NRG1: variants seen among roughly 807,000 people sequenced by gnomAD.
NRG1 encodes the protein neuregulin 1, also known as pro-neuregulin-1, membrane-bound isoform.
A neutral mutation model predicts 63.8 loss-of-function variants in NRG1; 18 were observed. That is an observed-to-expected ratio of 0.28 (90% CI 0.19 to 0.42). The LOEUF is 0.42. NRG1 is among the 10% of genes least tolerant of loss of function. The pLI, the probability that NRG1 is intolerant of heterozygous loss-of-function variation, is 1.00. For synonymous variants in NRG1, 302 were observed against 301.3 expected, an observed-to-expected ratio of 1.00 and a Z score of -0.02; for missense variants, 762 against 814.7, an observed-to-expected ratio of 0.94 and a Z score of 0.79.
chr8:31,821,376 C>T (rs917075355), intron 1 of NRG1, among the ~76,000 whole-genome samples: 2 of 152,030 alleles, frequency 1.3e-5, no homozygotes, highest in African/African-American at 4.8e-5. Context: ...AATTCTTTAC[C>T]TCTGATGTCT....
At chr8:31,897,000 C>T (rs1831628709) in intron 1 of NRG1, among the ~76,000 whole-genome samples, 1 of 152,090 alleles carries the variant, frequency 6.6e-6, no homozygotes, top group African/African-American at 2.4e-5. Flanking sequence ...ACCTGGAAAC[C>T]TTTGTTCATT....
At chr8:32,693,098 C>T (rs1812247852) in intron 5 of NRG1, among the ~76,000 whole-genome samples, 1 of 152,128 alleles carries the variant, frequency 6.6e-6, no homozygotes, top group African/African-American at 2.4e-5. Context: ...GTGAGGGTTG[C>T]TGTTTGCACA....
At chr8:32,730,359 G>T (rs563372892) in intron 6 of NRG1, among the ~76,000 whole-genome samples, 1 of 152,060 alleles carries the variant, frequency 6.6e-6, no homozygotes, top group South Asian at 2.1e-4. Flanking sequence ...AGGCTAAGGT[G>T]GGGGGATCAC....
At chr8:31,754,331 C>A (rs1816759106) in intron 1 of NRG1, among the ~76,000 whole-genome samples, 1 of 152,200 alleles carries the variant, frequency 6.6e-6, no homozygotes, top group South Asian at 2.1e-4. Flanking sequence ...TTGGTACTGT[C>A]CTCATGATAG....
At chr8:32,360,576 G>A (rs1329305788) in intron 1 of NRG1, among the ~76,000 whole-genome samples, 8 of 152,008 alleles carry the variant, frequency 5.3e-5, no homozygotes, top group Non-Finnish European at 5.9e-5. Context: ...TTATAATTGT[G>A]GAATTTCTTT....
intron 1 of NRG1, among the ~76,000 whole-genome samples, chr8:31,721,241 A>G (rs1812886797): frequency 6.6e-6 from 1 of 152,266 alleles, no homozygotes; most frequent in African/African-American, 2.4e-5. Context: ...CATAATTGCA[A>G]ATGTGTTTAT....
intron 1 of NRG1, among the ~76,000 whole-genome samples, chr8:32,483,537 C>T (rs370467652): frequency 1.3e-5 from 2 of 152,210 alleles, no homozygotes; most frequent in Non-Finnish European, 2.9e-5. Context: ...ACATATGCCA[C>T]AGTTGCTTAC....
intron 1 of NRG1, among the ~76,000 whole-genome samples, chr8:32,324,625 G>T (rs573947767): frequency 3.3e-5 from 5 of 152,238 alleles, no homozygotes; most frequent in Non-Finnish European, 7.4e-5. Context: ...GTCTGTGGTT[G>T]CAGAATAAAT....
chr8:32,440,822 G>A (rs1015866549), intron 1 of NRG1: 6 of 152,202 alleles, frequency 3.9e-5, no homozygotes, highest in South Asian at 2.1e-4. Context: ...TAATTAAAAC[G>A]AAGGGCTGAG....
At chr8:31,845,276 T>G (rs1380944844) in intron 1 of NRG1, among the ~76,000 whole-genome samples, 1 of 152,142 alleles carries the variant, frequency 6.6e-6, no homozygotes, top group East Asian at 1.9e-4. Flanking sequence ...ATTAGTAGTC[T>G]CCAGGGTTCA....
At chr8:32,100,913 C>A (rs1400652516) in intron 1 of NRG1, among the ~76,000 whole-genome samples, 1 of 152,066 alleles carries the variant, frequency 6.6e-6, no homozygotes, top group Non-Finnish European at 1.5e-5. Flanking sequence ...CTTATCACCA[C>A]AAGAAATACT....
Position 32,428,835 on chromosome 8 carries a change from A to T in NRG1, c.38-166993A>T, listed in dbSNP as rs1262377536. Among the ~76,000 whole-genome samples the T allele has an allele frequency of 2.0e-5, 3 of 152,132 alleles. No homozygotes were observed. The East Asian group carries it at 5.8e-4, about 29-fold the overall frequency. ...GTCTTTTTGTTGGATCTGGCCCTGT[A>T]TATTTTCCAGTTGGTTCAAGACCTA... On this transcript the variant is annotated intron_variant, in intron 1 of 10. Transcript: ENST00000519301.
At chr8:31,762,433 T>A (rs992786499) in intron 1 of NRG1, among the ~76,000 whole-genome samples, 75 of 152,248 alleles carry the variant, frequency 4.9e-4, no homozygotes, top group African/African-American at 1.8e-3. Context: ...ATTTCCTTTA[T>A]CCAGTCTGTC....
chr8:32,458,388 C>A (rs573262934), intron 1 of NRG1, among the ~76,000 whole-genome samples: 4 of 152,172 alleles, frequency 2.6e-5, no homozygotes, highest in African/African-American at 4.8e-5. Flanking sequence ...TTTTCTCTGG[C>A]CTTATGTAGC....
intron 1 of NRG1, among the ~76,000 whole-genome samples, chr8:32,088,441 C>T (rs189205586): frequency 6.6e-6 from 1 of 151,926 alleles, no homozygotes; most frequent in East Asian, 1.9e-4. Flanking sequence ...AGTTAATGGG[C>T]TACCTGAGCA....
chr8:32,588,686 A>G (rs1842039945), intron 1 of NRG1, among the ~76,000 whole-genome samples: 1 of 152,238 alleles, frequency 6.6e-6, no homozygotes, highest in Admixed American at 6.5e-5. Flanking sequence ...AACTGCTAGA[A>G]TGGAATTTCC....
At chr8:32,412,463 T>C (rs58365317) in intron 1 of NRG1, among the ~76,000 whole-genome samples, 14,792 of 114,148 alleles carry the variant, frequency 0.13, 1,308 homozygotes, top group Middle Eastern at 0.18. Flanking sequence ...CATATATATA[T>C]ATATATATAT....
intron 1 of NRG1, chr8:31,639,548 C>G: frequency 4.1e-6 from 6 of 1,457,694 alleles, no homozygotes; most frequent in Non-Finnish European, 5.5e-6. Flanking sequence ...GCCGCTTGCT[C>G]GCAGCCCCAG....
chr8:32,767,261 A>G (rs930207458), exon 12 of NRG1: 2 of 152,172 alleles, frequency 1.3e-5, no homozygotes, highest in African/African-American at 4.8e-5. Context: ...TTTCAGTGTG[A>G]CTGTCTTGTT....
Sources: gnomAD v4.1 joint callset for allele counts (sites outside exome capture counted in the v4.1 genomes callset) on GRCh38, gnomAD v4.1.1 for gene constraint, MANE v1.5 for transcripts, NCBI Gene and HGNC (gene_info 2026-07-23, HGNC 2026-07-21) for gene names.